Variants in PTGFRN observed in about 807,000 individuals in gnomAD.
PTGFRN encodes the protein prostaglandin F2 receptor negative regulator.
PTGFRN carries 35 observed loss-of-function variants against 83.2 expected under a neutral mutation model. The ratio of observed to expected loss-of-function variants is 0.42; its 90% CI spans 0.32 to 0.56. The LOEUF (loss-of-function observed/expected upper bound fraction) is 0.56, where lower values mean the gene tolerates loss of function less well. Among genes scored for constraint, PTGFRN ranks in the 20% least tolerant of loss-of-function variants. The pLI is 0.11. For missense variants in PTGFRN, 1,051 were observed against 1,179.5 expected, an observed-to-expected ratio of 0.89 and a Z score of 1.60; for synonymous variants, 519 against 498.6, an observed-to-expected ratio of 1.04 and a Z score of -0.55.
At position 116,989,189 on chromosome 1, in the gene PTGFRN, G is replaced by A. The variant is rs1312532070; in HGVS notation, c.*2222G>A. On this transcript the variant is annotated 3_prime_UTR_variant, in exon 9 of 9. Coordinates refer to ENST00000393203, the MANE Select transcript of PTGFRN (RefSeq NM_020440.4). ...GCAGACACTCGATGGTGGTAAATGT[G>A]ATGGGTGCTTACACACTGTACCTTT... is the stretch of plus-strand genomic sequence containing the variant. The A allele has an allele frequency of 6.6e-6, 1 of 152,214 alleles. No individual in the cohort carries two copies. Among genetic ancestry groups the A allele is most frequent in the Non-Finnish European group, 1.5e-5 (1 of 68,058 alleles). The allele number at this position is 152,214 out of a possible 1,614,324, so 9.4% of individuals were successfully genotyped here. A position where few individuals can be genotyped will look rare whatever the true frequency, so the allele number is the denominator to read the frequency against.
Position 116,944,706 on chromosome 1 carries a change from C to T in PTGFRN, c.446C>T (p.Pro149Leu), listed in dbSNP as rs1367932079. 2.1e-6 allele frequency: 3 copies of T among 1,422,230 alleles called. No homozygotes were observed. Among genetic ancestry groups the T allele is most frequent in the Non-Finnish European group, 2.7e-6 (3 of 1,093,288 alleles). The allele number at this position is 1,422,230 out of a possible 1,614,324, so 88.1% of individuals were successfully genotyped here. The change falls in exon 3 of 9, where the codon CCC becomes CTC. Residue 149 changes from proline to leucine, a missense_variant. Pro to Leu is a moderately conservative substitution (Grantham distance 98). Coordinates refer to ENST00000393203, the MANE Select transcript of PTGFRN (RefSeq NM_020440.4). ...CTGGCCGACTCCCTGCACGTGGGCCCCAGCGCGCGGCCCCCGCCGAGCCTG... is the reference window on the plus strand; with the variant it reads ...CTGGCCGACTCCCTGCACGTGGGCCTCAGCGCGCGGCCCCCGCCGAGCCTG... The part of the protein sequence containing the change: ...KVLADSLHVG[P>L]SARPPPSLSL...
At chr1:116,930,813 GC>G (rs145219824) in intron 1 of PTGFRN, among the ~76,000 whole-genome samples, 1,647 of 152,148 alleles carry the variant, frequency 0.011, 35 homozygotes, top group African/African-American at 0.038. Flanking sequence ...ACCACTACCT[GC>G]CTGTGTCCCC....
intron 6 of PTGFRN, 27 bp downstream of exon 6, chr1:116,967,357 A>C (rs1323555348): frequency 6.3e-7 from 1 of 1,588,678 alleles, no homozygotes; most frequent in Admixed American, 1.7e-5. Context: ...GTTGAATCAT[A>C]GGTGGAGCTA....
chr1:116,971,457 C>T (rs548646734), intron 6 of PTGFRN, among the ~76,000 whole-genome samples: 1 of 152,138 alleles, frequency 6.6e-6, no homozygotes, highest in African/African-American at 2.4e-5. Flanking sequence ...TTGGGGGACC[C>T]CTAGTGACTC....
intron 6 of PTGFRN, among the ~76,000 whole-genome samples, chr1:116,970,992 T>A (rs933422079): frequency 2.0e-5 from 3 of 152,190 alleles, no homozygotes; most frequent in Non-Finnish European, 2.9e-5. Context: ...AAAAGAAGAA[T>A]AATAAATTTT....
intron 4 of PTGFRN, among the ~76,000 whole-genome samples, chr1:116,957,781 C>G (rs1650539564): frequency 6.6e-6 from 1 of 152,134 alleles, no homozygotes; most frequent in Non-Finnish European, 1.5e-5. Flanking sequence ...CTCTCCATCC[C>G]CCAGCCTCTG....
chr1:116,910,413 C>A (rs1442793682), intron 1 of PTGFRN, among the ~76,000 whole-genome samples, 161 bp downstream of exon 1: 1 of 150,154 alleles, frequency 6.7e-6, no homozygotes, highest in South Asian at 2.1e-4. Flanking sequence ...CGGCGGGGAG[C>A]GGCCGCGGGG....
intron 6 of PTGFRN, among the ~76,000 whole-genome samples, chr1:116,971,297 T>TTG (rs1650987258): frequency 6.6e-6 from 1 of 152,202 alleles, no homozygotes; most frequent in South Asian, 2.1e-4. Context: ...CATTACCCTA[T>TTG]TGATGGACAT....
chr1:116,964,426 A>T (rs1484375474), intron 5 of PTGFRN, among the ~76,000 whole-genome samples: 4 of 152,066 alleles, frequency 2.6e-5, no homozygotes, highest in Non-Finnish European at 4.4e-5. Flanking sequence ...GCTTTCTTCC[A>T]ACTTTATTAG....
intron 1 of PTGFRN, among the ~76,000 whole-genome samples, chr1:116,915,293 A>G (rs1297577739): frequency 2.0e-5 from 3 of 152,150 alleles, no homozygotes. Context: ...GCCAGCATGC[A>G]CCTCAGAGGT....
intron 2 of PTGFRN, among the ~76,000 whole-genome samples, chr1:116,943,838 GA>G (rs1049452284): frequency 7.9e-4 from 119 of 150,678 alleles, no homozygotes; most frequent in East Asian, 5.2e-3. Flanking sequence ...GAATTGGGGG[GA>G]AAAAAAAACA....
Position 116,941,573 on chromosome 1 carries a change from C to CT in PTGFRN, c.50-141dup. ...TTATTTAAGGGTTAGGCTTAACCTT[C>CT]TGCATAGATACATTTTCCCTAGTAG... is the stretch of plus-strand genomic sequence containing the variant. On this transcript the variant is annotated intron_variant, in intron 1 of 8. Coordinates refer to ENST00000393203, the MANE Select transcript of PTGFRN (RefSeq NM_020440.4). The surrounding 1 kb of genome is among the most constrained non-coding windows in gnomAD (Gnocchi z 5.0). The CT allele has an allele frequency of 8.5e-7, 1 of 1,175,476 alleles. No homozygotes were observed. Among genetic ancestry groups the CT allele is most frequent in the Non-Finnish European group, 1.2e-6 (1 of 840,744 alleles). The allele number at this position is 1,175,476 out of a possible 1,614,324, so 72.8% of individuals were successfully genotyped here.
At chr1:116,975,643 C>G (rs1431527530) in intron 7 of PTGFRN, among the ~76,000 whole-genome samples, 1 of 152,236 alleles carries the variant, frequency 6.6e-6, no homozygotes, top group Non-Finnish European at 1.5e-5. Flanking sequence ...CAAACTCCAA[C>G]AGACCTGCAG....
At chr1:116,929,944 T>C (rs971431482) in intron 1 of PTGFRN, among the ~76,000 whole-genome samples, 1 of 152,220 alleles carries the variant, frequency 6.6e-6, no homozygotes, top group Non-Finnish European at 1.5e-5. Context: ...ATACCCGTCA[T>C]TGAAAATGCG....
chr1:116,984,586 C>T (rs1651407337), intron 7 of PTGFRN, 94 bp from the exon 8 acceptor site: 1 of 1,219,992 alleles, frequency 8.2e-7, no homozygotes, highest in South Asian at 1.4e-5. Context: ...GTTGTGCTTG[C>T]CATACGTAGT....
Position 116,986,967 on chromosome 1 carries a change from G to A in PTGFRN, c.2640G>A (p.Ter880=), listed in dbSNP as rs770010031. 6.2e-7 allele frequency: 1 copy of A among 1,614,148 alleles called. No individual in the cohort carries two copies. Among genetic ancestry groups the A allele is most frequent in the Non-Finnish European group, 8.5e-7 (1 of 1,180,018 alleles). The stretch of plus-strand genomic sequence containing the variant: ...GGCTCATGTCGATGGAGATGGACTA[G>A]GCTGGCCCGGGAGGGGAGTGACAGA... ...RRRLMSMEMD[*] is the part of the protein sequence containing the mutation. Residue 880 remains the stop codon, a stop_retained_variant, in exon 9 of 9, where the codon TAG becomes TAA. Transcript: ENST00000393203.
rs1437010284 is a variant in PTGFRN at position 116,944,712 on chromosome 1, C to T, written c.452C>T (p.Ala151Val). ...GACTCCCTGCACGTGGGCCCCAGCG[C>T]GCGGCCCCCGCCGAGCCTGAGCCTG... is the stretch of plus-strand genomic sequence containing the variant. Reference protein sequence around the residue: ...LADSLHVGPSARPPPSLSLRE... With the variant: ...LADSLHVGPSVRPPPSLSLRE... The change falls in exon 3 of 9, where the codon GCG becomes GTG. Residue 151 changes from alanine (A) to valine (V), a missense_variant. Coordinates refer to ENST00000393203, the MANE Select transcript of PTGFRN (RefSeq NM_020440.4). 1.4e-6 allele frequency: 2 copies of T among 1,413,398 alleles called. No homozygotes were observed. Among genetic ancestry groups the T allele is most frequent in the Non-Finnish European group, 9.2e-7 (1 of 1,090,022 alleles). 87.6% of individuals were successfully genotyped at this position (1,413,398 alleles called of 1,614,324 possible).
intron 1 of PTGFRN, among the ~76,000 whole-genome samples, chr1:116,913,390 T>C (rs1394122058): frequency 7.0e-6 from 1 of 143,532 alleles, no homozygotes; most frequent in Non-Finnish European, 1.5e-5. Flanking sequence ...GTAAGTTCCC[T>C]GTAGCTGGAG....
At chr1:116,931,453 C>A (rs1477202679) in intron 1 of PTGFRN, among the ~76,000 whole-genome samples, 1 of 151,250 alleles carries the variant, frequency 6.6e-6, no homozygotes, top group African/African-American at 2.4e-5. Flanking sequence ...TCTTATCTTA[C>A]ATTTGTCTAG....
Sources: allele counts gnomAD v4.1 joint callset (sites outside exome capture counted in the v4.1 genomes callset), GRCh38; gene constraint gnomAD v4.1.1; non-coding constraint Gnocchi (gnomAD v3.1); transcripts MANE v1.5; gene names NCBI Gene and HGNC (gene_info 2026-07-23, HGNC 2026-07-21).